SNAPC3: variants seen among roughly 807,000 people sequenced by gnomAD.
SNAPC3 encodes the protein snRNA-activating protein complex subunit 3.
SNAPC3 carries 56 observed loss-of-function variants against 47.7 expected under a neutral mutation model. The observed-to-expected ratio is 1.18, with a 90% confidence interval of 0.95 to 1.47. The LOEUF is 1.47. SNAPC3 is among the 40% of genes most tolerant of loss of function. The pLI, the probability that SNAPC3 is intolerant of heterozygous loss-of-function variation, is 0.00. For missense variants in SNAPC3, 665 were observed against 511.3 expected (o/e 1.30, Z -2.90); for synonymous variants, 235 against 189.9 (o/e 1.24, Z -1.95).
intron 2 of SNAPC3, among the ~76,000 whole-genome samples, chr9:15,429,816 CT>C (rs2031906300): frequency 6.6e-6 from 1 of 152,040 alleles, no homozygotes. Context: ...TTCAATTTGG[CT>C]TGTAAAACAA....
Position 15,461,112 on chromosome 9 carries a change from T to C in SNAPC3, c.*1246T>C, listed in dbSNP as rs2035182160. On this transcript the variant is annotated 3_prime_UTR_variant, in exon 9 of 9. Coordinates refer to ENST00000380821, the MANE Select transcript of SNAPC3 (RefSeq NM_001039697.2). The stretch of plus-strand genomic sequence containing the variant: ...TCTTCTGGTCCCCTTACTATAGTAA[T>C]TCTAGTTACTCTCATCTTATTCTGA... 6.6e-6 allele frequency: 1 copy of C among 151,932 alleles called. No homozygotes were observed. Among genetic ancestry groups the C allele is most frequent in the Non-Finnish European group, 1.5e-5 (1 of 67,954 alleles). 9.4% of individuals were successfully genotyped at this position (151,932 alleles called of 1,614,324 possible).
chr9:15,425,560 C>G (rs2031262891), intron 2 of SNAPC3, among the ~76,000 whole-genome samples: 1 of 152,158 alleles, frequency 6.6e-6, no homozygotes, highest in Non-Finnish European at 1.5e-5. Flanking sequence ...TTCCAGATTA[C>G]CACAACCCAT....
rs570778787 is a variant in SNAPC3, at chr9:15,460,822, A to G, written c.*956A>G. On this transcript the variant is annotated 3_prime_UTR_variant, in exon 9 of 9. Coordinates refer to ENST00000380821, the MANE Select transcript of SNAPC3 (RefSeq NM_001039697.2). ...TTAAAAAGATCTTGAGTATATACTC[A>G]TAACTCCAGAAATAACATTAACTTG... is the stretch of plus-strand genomic sequence containing the variant. 4 of 152,398 alleles carry G rather than the reference A, an allele frequency of 2.6e-5. No individual in the cohort carries two copies. The highest frequency in any genetic ancestry group is 5.9e-5 in the Non-Finnish European group (4 of 68,042). 9.4% of individuals were successfully genotyped at this position (152,398 alleles called of 1,614,324 possible).
At position 15,460,246 on chromosome 9, in the gene SNAPC3, T is replaced by C. The variant is rs1474476396; in HGVS notation, c.*380T>C. On this transcript the variant is annotated 3_prime_UTR_variant, in exon 9 of 9. Coordinates refer to ENST00000380821, the MANE Select transcript of SNAPC3 (RefSeq NM_001039697.2). The stretch of plus-strand genomic sequence containing the variant: ...ATAGAATTATTAATGATACATCAAG[T>C]AGTGGAAGTGTTTTGAAAATTCTTT... 1.3e-5 allele frequency: 2 copies of C among 154,714 alleles called. No individual in the cohort carries two copies. The highest frequency in any genetic ancestry group is 2.9e-5 in the Non-Finnish European group (2 of 69,862). The allele number at this position is 154,714 out of a possible 1,614,324, so 9.6% of individuals were successfully genotyped here. A position where few individuals can be genotyped will look rare whatever the true frequency, so the allele number is the denominator to read the frequency against.
chr9:15,441,389 T>TTTC (rs2033357156), intron 3 of SNAPC3, among the ~76,000 whole-genome samples: 1 of 114,856 alleles, frequency 8.7e-6, no homozygotes, highest in Admixed American at 8.1e-5. Flanking sequence ...TTTTCTTTTT[T>TTTC]TTTTTTTTTT....
At chr9:15,433,226 A>G (rs1004589521) in intron 2 of SNAPC3, among the ~76,000 whole-genome samples, 5 of 152,106 alleles carry the variant, frequency 3.3e-5, no homozygotes, top group Non-Finnish European at 5.9e-5. Context: ...AGACTAAGGA[A>G]AAATAACAGA....
intron 1 of SNAPC3, among the ~76,000 whole-genome samples, 155 bp downstream of exon 1, chr9:15,423,348 C>G (rs2030852798): frequency 6.6e-6 from 1 of 152,190 alleles, no homozygotes; most frequent in Non-Finnish European, 1.5e-5. Context: ...CTGGAGCCTT[C>G]CTGGGACACC....
chr9:15,459,800 T>A lies in SNAPC3; in HGVS notation c.1170T>A (p.Asp390Glu), dbSNP rs2035066130. Residue 390 changes from aspartate to glutamate, a missense_variant, in exon 9 of 9, where the codon GAT (aspartate) becomes GAA (glutamate). Asp to Glu is a conservative substitution (Grantham distance 45, BLOSUM62 2). Transcript: ENST00000380821. ...CDVCFRMLHYDSEGNKLGEFL... is the reference protein window; with the variant it reads ...CDVCFRMLHYESEGNKLGEFL... ...TTTGCTTCCGAATGCTGCACTATGATTCAGAAGGCAACAAACTGGGGGAAT... is the reference window on the plus strand; with the variant it reads ...TTTGCTTCCGAATGCTGCACTATGAATCAGAAGGCAACAAACTGGGGGAAT... 4 of 1,613,458 alleles carry A rather than the reference T, an allele frequency of 2.5e-6. No individual in the cohort carries two copies. The East Asian group carries it at 8.9e-5, about 36-fold the overall frequency.
chr9:15,436,617 C>G (rs1001721135), intron 3 of SNAPC3, among the ~76,000 whole-genome samples: 1 of 152,230 alleles, frequency 6.6e-6, no homozygotes, highest in South Asian at 2.1e-4. Flanking sequence ...ATTGTTTTGA[C>G]TATTCAGAGT....
At position 15,460,877 on chromosome 9, in the gene SNAPC3, AATGTT is replaced by A. The variant is rs981475088; in HGVS notation, c.*1015_*1019del. 5 of 152,188 alleles carry A rather than the reference AATGTT, an allele frequency of 3.3e-5. No homozygotes were observed. The highest frequency in any genetic ancestry group is 3.8e-4 in the East Asian group (2 of 5,198). The allele number at this position is 152,188 out of a possible 1,614,324, so 9.4% of individuals were successfully genotyped here. A position where few individuals can be genotyped will look rare whatever the true frequency, so the allele number is the denominator to read the frequency against. The stretch of plus-strand genomic sequence containing the variant: ...TTTATTTCTTGACAAAAGCTTTATG[AATGTT>A]ATGAGTTTAAAATATGTCAATTTAA... On this transcript the variant is annotated 3_prime_UTR_variant, in exon 9 of 9. Coordinates refer to ENST00000380821, the MANE Select transcript of SNAPC3 (RefSeq NM_001039697.2).
intron 2 of SNAPC3, among the ~76,000 whole-genome samples, chr9:15,426,744 C>T (rs2031453122): frequency 6.6e-6 from 1 of 152,152 alleles, no homozygotes; most frequent in Admixed American, 6.5e-5. Flanking sequence ...GACTACTTTG[C>T]ACTACTAGGT....
chr9:15,450,230 CAG>C (rs1165049898), intron 5 of SNAPC3, among the ~76,000 whole-genome samples: 1 of 152,000 alleles, frequency 6.6e-6, no homozygotes. Context: ...CATGGGAAAA[CAG>C]TGTGAGTGAG....
At chr9:15,456,734 C>T (rs767063633) in intron 7 of SNAPC3, among the ~76,000 whole-genome samples, 1 of 152,190 alleles carries the variant, frequency 6.6e-6, no homozygotes, top group Non-Finnish European at 1.5e-5. Flanking sequence ...TCCCAAAGTG[C>T]TGGGATTGCA....
chr9:15,441,696 G>C (rs1321023854), intron 3 of SNAPC3, among the ~76,000 whole-genome samples: 1 of 152,138 alleles, frequency 6.6e-6, no homozygotes, highest in African/African-American at 2.4e-5. Context: ...ATGTTTCAGA[G>C]AGCAGGGGGT....
At chr9:15,430,521 A>G (rs1455523847) in intron 2 of SNAPC3, among the ~76,000 whole-genome samples, 2 of 152,222 alleles carry the variant, frequency 1.3e-5, no homozygotes, top group Non-Finnish European at 2.9e-5. Context: ...GGAAATAATA[A>G]AGATAACAGA....
intron 3 of SNAPC3, among the ~76,000 whole-genome samples, chr9:15,442,404 A>C (rs1433921934): frequency 4.7e-4 from 65 of 136,920 alleles, no homozygotes; most frequent in African/African-American, 1.7e-3. Flanking sequence ...GGGGCTCCTC[A>C]CCTCCCAGAC....
At chr9:15,435,433 C>A in intron 3 of SNAPC3, among the ~76,000 whole-genome samples, 1 of 152,022 alleles carries the variant, frequency 6.6e-6, no homozygotes, top group East Asian at 1.9e-4. Context: ...ATTAGCCGGG[C>A]GTGGTGGCAT....
chr9:15,453,106 A>C lies in SNAPC3; in HGVS notation c.881A>C (p.Glu294Ala). The change falls in exon 7 of 9, where the codon GAA becomes GCA. Residue 294 changes from glutamate (E) to alanine (A), a missense_variant. Transcript: ENST00000380821. ...GYGKFQTARM[E>A]DFTFNDLCIK... is the part of the protein sequence containing the mutation. ...GGAAAGTTTCAGACTGCTAGAATGGAAGATTTCACCTTCAATGACTTGTGT... is the reference window on the plus strand; with the variant it reads ...GGAAAGTTTCAGACTGCTAGAATGGCAGATTTCACCTTCAATGACTTGTGT... The C allele has an allele frequency of 1.2e-6, 2 of 1,613,148 alleles. No individual in the cohort carries two copies. The highest frequency in any genetic ancestry group is 8.5e-7 in the Non-Finnish European group (1 of 1,179,090).
chr9:15,424,633 G>A (rs1210871841), intron 2 of SNAPC3, among the ~76,000 whole-genome samples: 1 of 152,126 alleles, frequency 6.6e-6, no homozygotes, highest in African/African-American at 2.4e-5. Context: ...GTCATTTTCT[G>A]TACAGATTGG....
Sources: gnomAD v4.1 joint callset for allele counts (sites outside exome capture counted in the v4.1 genomes callset) on GRCh38, gnomAD v4.1.1 for gene constraint, MANE v1.5 for transcripts, NCBI Gene and HGNC (gene_info 2026-07-23, HGNC 2026-07-21) for gene names.